CARF: variants seen among roughly 807,000 people sequenced by gnomAD.
The protein encoded by CARF is calcium responsive transcription factor.
A neutral mutation model predicts 82.0 loss-of-function variants in CARF; 57 were observed. The observed-to-expected ratio is 0.70, with a 90% CI of 0.56 to 0.87. The LOEUF is 0.87. Ranked by LOEUF, CARF falls within the 40% of genes least tolerant of loss-of-function variation. The pLI, the probability that CARF is intolerant of heterozygous loss-of-function variation, is 0.00. For synonymous variants in CARF, 268 were observed against 290.1 expected (o/e 0.92, Z 0.77); for missense variants, 771 against 855.8 (o/e 0.90, Z 1.24).
chr2:202,953,408 A>C (rs1175123087), intron 6 of CARF, among the ~76,000 whole-genome samples: 2 of 149,944 alleles, frequency 1.3e-5, no homozygotes, highest in Middle Eastern at 3.5e-3. Flanking sequence ...TGGCTCCTTC[A>C]GATTCAGAAA....
intron 9 of CARF, among the ~76,000 whole-genome samples, chr2:202,964,501 A>G (rs1465806003): frequency 1.3e-5 from 2 of 151,912 alleles, no homozygotes; most frequent in East Asian, 1.9e-4. Flanking sequence ...GGCTGGTCTC[A>G]AACTCCTACA....
At chr2:202,979,452 C>T (rs780854800) in intron 14 of CARF, among the ~76,000 whole-genome samples, 1 of 151,786 alleles carries the variant, frequency 6.6e-6, no homozygotes, top group African/African-American at 2.4e-5. Flanking sequence ...CTCAGTGGTC[C>T]ATTGAGAAAG....
intron 2 of CARF, among the ~76,000 whole-genome samples, chr2:202,920,798 A>G (rs1284778650): frequency 6.6e-6 from 1 of 152,214 alleles, no homozygotes; most frequent in Non-Finnish European, 1.5e-5. Context: ...TTAAAACGTT[A>G]TATTCCTAAT....
chr2:202,983,836 G>T lies in CARF; in HGVS notation c.*212G>T, dbSNP rs2060358643. 6.4e-6 allele frequency: 3 copies of T among 465,714 alleles called. No homozygotes were observed. The highest frequency in any genetic ancestry group is 4.1e-5 in the African/African-American group (2 of 48,652). 28.8% of individuals were successfully genotyped at this position (465,714 alleles called of 1,614,324 possible). A position where few individuals can be genotyped will look rare whatever the true frequency, so the allele number is the denominator to read the frequency against. On this transcript the variant is annotated 3_prime_UTR_variant, in exon 17 of 17. Coordinates refer to ENST00000438828, the MANE Select transcript of CARF (RefSeq NM_024744.17). ...TCTTCTTATTTTGTATAATTTTTAT[G>T]CTCTTTGATTATCTAATAAGGCCAG...
chr2:202,953,630 T>C (rs1008637447), intron 6 of CARF, among the ~76,000 whole-genome samples: 5 of 151,820 alleles, frequency 3.3e-5, no homozygotes, highest in African/African-American at 1.2e-4. Flanking sequence ...CTTAGTGTTA[T>C]CATTCTTTGT....
Position 202,930,968 on chromosome 2 carries a change from CT to C in CARF, c.-44+6575del, listed in dbSNP as rs1007407230. Among the ~76,000 whole-genome samples the C allele has an allele frequency of 5.8e-3, 595 of 103,186 alleles. 1 individual carries two copies. Among genetic ancestry groups the C allele is most frequent in the African/African-American group, 0.019 (504 of 26,756 alleles). The allele number at this position is 103,186 out of a possible 152,430, so 67.7% of individuals were successfully genotyped here. A position where few individuals can be genotyped will look rare whatever the true frequency, so the allele number is the denominator to read the frequency against. On this transcript the variant is annotated intron_variant, in intron 3 of 16. Coordinates refer to ENST00000438828, the MANE Select transcript of CARF (RefSeq NM_024744.17). ...TCTTCCTTATGACTTTTTTTCTTTT[CT>C]TTTTTTTTTTTTTTTTTTTTTGGCA...
At chr2:202,918,506 G>C (rs1440468611) in intron 2 of CARF, among the ~76,000 whole-genome samples, 1 of 152,068 alleles carries the variant, frequency 6.6e-6, no homozygotes, top group Non-Finnish European at 1.5e-5. Context: ...CTCCAGTACT[G>C]GGTGATAGAG....
chr2:202,944,807 A>AC (rs5837833), intron 5 of CARF, among the ~76,000 whole-genome samples: 134,519 of 151,384 alleles, frequency 0.89, 60,448 homozygotes, highest in Non-Finnish European at 0.95. Flanking sequence ...TTTTTTTCCA[A>AC]AGGAAGATCA....
Position 202,983,714 on chromosome 2 carries a change from A to G in CARF, c.*90A>G, listed in dbSNP as rs1424990277. 2 of 806,248 alleles carry G rather than the reference A, an allele frequency of 2.5e-6. No homozygotes were observed. Among genetic ancestry groups the G allele is most frequent in the East Asian group, 5.1e-5 (2 of 38,960 alleles). The allele number at this position is 806,248 out of a possible 1,614,324, so 49.9% of individuals were successfully genotyped here. A position where few individuals can be genotyped will look rare whatever the true frequency, so the allele number is the denominator to read the frequency against. ...TATAGTCAAAGCGTGGCATTGAGAT[A>G]ATTGGACTGAAGACCAGTTTGATGA... On this transcript the variant is annotated 3_prime_UTR_variant, in exon 17 of 17. Transcript: ENST00000438828.
intron 6 of CARF, among the ~76,000 whole-genome samples, chr2:202,953,058 C>T (rs1192858993): frequency 6.6e-6 from 1 of 152,070 alleles, no homozygotes; most frequent in Non-Finnish European, 1.5e-5. Context: ...GCTCTATCCC[C>T]CAGGCTGGAG....
chr2:202,926,570 T>C (rs1022782590), intron 3 of CARF, among the ~76,000 whole-genome samples: 3 of 152,238 alleles, frequency 2.0e-5, no homozygotes, highest in African/African-American at 7.2e-5. Context: ...TCCAAAGTTG[T>C]TTTGGCTGTT....
chr2:202,977,422 A>G, intron 14 of CARF, 90 bp downstream of exon 14: 1 of 959,314 alleles, frequency 1.0e-6, no homozygotes, highest in East Asian at 2.4e-5. Flanking sequence ...ATCAAATTTT[A>G]TAGATAAGGA....
At chr2:202,945,022 T>C (rs1329325017) in intron 5 of CARF, among the ~76,000 whole-genome samples, 1 of 152,098 alleles carries the variant, frequency 6.6e-6, no homozygotes, top group Non-Finnish European at 1.5e-5. Context: ...ATAGGAAACA[T>C]GGTATGAAGC....
rs1201674961 is a variant in CARF, at chr2:202,987,167, T to G, written c.*3543T>G. ...ACATTTTGGGGAGACATATATGCAT[T>G]TAATACCCTGCAACTCAGCCAAGCA... On this transcript the variant is annotated 3_prime_UTR_variant, in exon 17 of 17. Coordinates refer to ENST00000438828, the MANE Select transcript of CARF (RefSeq NM_024744.17). The G allele has an allele frequency of 6.6e-6, 1 of 151,656 alleles. No individual in the cohort carries two copies. Among genetic ancestry groups the G allele is most frequent in the Non-Finnish European group, 1.5e-5 (1 of 67,936 alleles). The allele number at this position is 151,656 out of a possible 1,614,324, so 9.4% of individuals were successfully genotyped here.
intron 3 of CARF, among the ~76,000 whole-genome samples, chr2:202,933,550 C>T (rs896952541): frequency 2.0e-5 from 3 of 152,130 alleles, no homozygotes; most frequent in Non-Finnish European, 4.4e-5. Context: ...GGGAGTTCTT[C>T]CTGGTTCCTA....
intron 13 of CARF, among the ~76,000 whole-genome samples, chr2:202,975,907 C>T (rs909953911): frequency 6.0e-5 from 9 of 149,680 alleles, no homozygotes; most frequent in African/African-American, 1.5e-4. Flanking sequence ...TAGCCGGGCG[C>T]GGTGGCAGGT....
chr2:202,949,516 T>TTTATTA (rs201031888), intron 5 of CARF, among the ~76,000 whole-genome samples: 75 of 91,656 alleles, frequency 8.2e-4, no homozygotes, highest in Middle Eastern at 6.4e-3. Context: ...TTGTTATTTA[T>TTTATTA]TTATTATTAT....
chr2:202,985,363 G>C lies in CARF; in HGVS notation c.*1739G>C, dbSNP rs2060399848. ...TAAAGTACTGTTATAGTAGAGGTAG[G>C]TGGAATTCTAATATTCCCTGCTCTT... On this transcript the variant is annotated 3_prime_UTR_variant, in exon 17 of 17. Transcript: ENST00000438828. The C allele has an allele frequency of 6.6e-6, 1 of 151,870 alleles. No individual in the cohort carries two copies. The highest frequency in any genetic ancestry group is 2.4e-5 in the African/African-American group (1 of 41,380). The allele number at this position is 151,870 out of a possible 1,614,324, so 9.4% of individuals were successfully genotyped here.
chr2:202,974,842 T>A (rs561413663), intron 13 of CARF, among the ~76,000 whole-genome samples: 1 of 152,040 alleles, frequency 6.6e-6, no homozygotes, highest in East Asian at 1.9e-4. Flanking sequence ...GAGTTTGCAG[T>A]GAGCTGAGAC....
Sources: gnomAD v4.1 joint callset for allele counts (sites outside exome capture counted in the v4.1 genomes callset) on GRCh38, gnomAD v4.1.1 for gene constraint, MANE v1.5 for transcripts, NCBI Gene and HGNC (gene_info 2026-07-23, HGNC 2026-07-21) for gene names.